SGCZ: variants seen among roughly 807,000 people sequenced by gnomAD.
SGCZ encodes the protein zeta-sarcoglycan.
A neutral mutation model predicts 41.3 loss-of-function variants in SGCZ; 40 were observed. That is an observed-to-expected ratio of 0.97 (90% CI 0.75 to 1.26). The LOEUF (loss-of-function observed/expected upper bound fraction) is 1.26, where lower values mean the gene tolerates loss of function less well. Among genes scored for constraint, SGCZ ranks in the 50% most tolerant of loss-of-function variants. The probability of loss-of-function intolerance (pLI) is 0.00; values close to 1 mark genes in which losing one functional copy is unlikely to be tolerated. For missense variants in SGCZ, 552 were observed against 369.8 expected, an observed-to-expected ratio of 1.49 and a Z score of -4.04; for synonymous variants, 206 against 137.5, an observed-to-expected ratio of 1.50 and a Z score of -3.49.
At chr8:14,849,647 G>A (rs1191356415) in intron 1 of SGCZ, among the ~76,000 whole-genome samples, 1 of 152,162 alleles carries the variant, frequency 6.6e-6, no homozygotes, top group Non-Finnish European at 1.5e-5. Context: ...TACGTGGGGT[G>A]AGGCCAGGCA....
intron 2 of SGCZ, chr8:14,487,878 G>A (rs1009617929): frequency 6.7e-6 from 1 of 149,726 alleles, no homozygotes; most frequent in Non-Finnish European, 1.5e-5. Context: ...ACCGAAGTGA[G>A]CGTCTTAAGG....
Position 14,166,045 on chromosome 8 carries a change from A to C in SGCZ, c.425-1343T>G, listed in dbSNP as rs149701839. Among the ~76,000 whole-genome samples, 1,233 of 152,304 alleles carry C rather than the reference A, an allele frequency of 8.1e-3. 17 individuals carry two copies. The highest frequency in any genetic ancestry group is 0.028 in the African/African-American group (1,145 of 41,570). ...TAATAACATGTAAGCTAATTTCTCC[A>C]AAAGCCATATGTATTTTTTTTAATA... On this transcript the variant is annotated intron_variant, in intron 4 of 7. Coordinates refer to ENST00000382080, the MANE Select transcript of SGCZ (RefSeq NM_139167.4).
chr8:14,845,480 T>C (rs1803068797), intron 1 of SGCZ, among the ~76,000 whole-genome samples: 1 of 152,078 alleles, frequency 6.6e-6, no homozygotes, highest in African/African-American at 2.4e-5. Context: ...CAGGAAAATG[T>C]GACACATAAT....
chr8:14,185,004 T>G (rs531110629), intron 4 of SGCZ, among the ~76,000 whole-genome samples: 6 of 152,324 alleles, frequency 3.9e-5, no homozygotes, highest in South Asian at 2.1e-4. Flanking sequence ...TGTTTTTTAA[T>G]TAGACTTTAT....
chr8:14,670,741 AC>A (rs1423826189), intron 1 of SGCZ, among the ~76,000 whole-genome samples: 13 of 152,206 alleles, frequency 8.5e-5, no homozygotes, highest in African/African-American at 2.9e-4. Context: ...TTTCAGTACA[AC>A]CCATGAGGTA....
chr8:14,495,213 T>C (rs936219581), intron 2 of SGCZ, among the ~76,000 whole-genome samples: 2 of 152,178 alleles, frequency 1.3e-5, no homozygotes, highest in African/African-American at 4.8e-5. Context: ...CTTTGGGTAA[T>C]GCCTATCAGT....
intron 1 of SGCZ, among the ~76,000 whole-genome samples, chr8:14,730,515 C>T (rs994846524): frequency 7.2e-5 from 11 of 152,000 alleles, no homozygotes; most frequent in South Asian, 2.1e-4. Flanking sequence ...TATTACAATA[C>T]GTGACAATGA....
At chr8:14,971,497 T>G (rs1383799726) in intron 1 of SGCZ, among the ~76,000 whole-genome samples, 1 of 152,106 alleles carries the variant, frequency 6.6e-6, no homozygotes, top group Non-Finnish European at 1.5e-5. Flanking sequence ...TAGGATTTTG[T>G]CAATGCTTTT....
chr8:14,934,408 T>C (rs932695730), intron 1 of SGCZ, among the ~76,000 whole-genome samples: 10 of 151,870 alleles, frequency 6.6e-5, no homozygotes, highest in African/African-American at 1.9e-4. Context: ...TAATCAAGAT[T>C]ATTGAGCAAA....
chr8:14,169,434 C>G (rs1480453030), intron 4 of SGCZ, among the ~76,000 whole-genome samples: 1 of 152,102 alleles, frequency 6.6e-6, no homozygotes, highest in Admixed American at 6.5e-5. Flanking sequence ...CCAGTAACTT[C>G]CAAGTCAGTA....
intron 1 of SGCZ, among the ~76,000 whole-genome samples, chr8:15,084,036 C>T (rs1805860153): frequency 6.6e-6 from 1 of 152,130 alleles, no homozygotes; most frequent in African/African-American, 2.4e-5. Flanking sequence ...CATTAGAACA[C>T]AGTTGAAAAT....
intron 3 of SGCZ, among the ~76,000 whole-genome samples, chr8:14,244,525 A>G (rs543473866): frequency 2.6e-5 from 4 of 152,048 alleles, no homozygotes; most frequent in African/African-American, 7.2e-5. Flanking sequence ...GTCAGGTAGC[A>G]TGATGCCTCC....
chr8:14,457,738 G>A (rs1800789552), intron 2 of SGCZ, among the ~76,000 whole-genome samples: 2 of 152,210 alleles, frequency 1.3e-5, no homozygotes, highest in South Asian at 2.1e-4. Context: ...GCCAGGCAGA[G>A]AAGGGCCCCC....
At chr8:14,326,005 G>T (rs147307718) in intron 2 of SGCZ, among the ~76,000 whole-genome samples, 41 of 147,400 alleles carry the variant, frequency 2.8e-4, no homozygotes, top group African/African-American at 9.7e-4. Flanking sequence ...CCAGGTACTC[G>T]GAAGGCTGAG....
chr8:14,756,580 T>A (rs73531149), intron 1 of SGCZ, among the ~76,000 whole-genome samples: 4,142 of 152,324 alleles, frequency 0.027, 87 homozygotes, highest in South Asian at 0.062. Flanking sequence ...TGAGTTTGCA[T>A]TTCTATCTCC....
intron 2 of SGCZ, among the ~76,000 whole-genome samples, chr8:14,502,609 AG>A: frequency 7.1e-6 from 1 of 140,836 alleles, no homozygotes; most frequent in East Asian, 2.0e-4. Flanking sequence ...CAAATTTACA[AG>A]AAAAAAAACA....
intron 1 of SGCZ, among the ~76,000 whole-genome samples, chr8:14,631,057 A>T (rs550262731): frequency 3.9e-5 from 6 of 152,186 alleles, no homozygotes; most frequent in African/African-American, 1.4e-4. Context: ...ATATGTAATA[A>T]AAAAGAAAGG....
rs540996892 is a variant in SGCZ, at chr8:14,831,222, C to A, written c.40-276296G>T. ...AGGTCAAAGAAAGATTTTCAAAGTA[C>A]ATGACGGCAAAATACTCATGGTGTT... On this transcript the variant is annotated intron_variant, in intron 1 of 7. Coordinates refer to ENST00000382080, the MANE Select transcript of SGCZ (RefSeq NM_139167.4). 2.6e-5 allele frequency among the ~76,000 whole-genome samples: 4 copies of A among 152,270 alleles called. No individual in the cohort carries two copies. The South Asian group carries it at 8.3e-4, about 32-fold the overall frequency.
chr8:15,106,265 A>C (rs117511817), intron 1 of SGCZ, among the ~76,000 whole-genome samples: 6,430 of 152,130 alleles, frequency 0.042, 171 homozygotes, highest in Non-Finnish European at 0.059. Context: ...TTTTACACTA[A>C]TACTTGATAT....
Sources: allele counts gnomAD v4.1 joint callset (sites outside exome capture counted in the v4.1 genomes callset), GRCh38; gene constraint gnomAD v4.1.1; transcripts MANE v1.5; gene names NCBI Gene and HGNC (gene_info 2026-07-23, HGNC 2026-07-21).